Variants in RABEP1 observed in about 807,000 individuals in gnomAD.
The protein encoded by RABEP1 is rab GTPase-binding effector protein 1.
A neutral mutation model predicts 123.4 loss-of-function variants in RABEP1; 51 were observed. The ratio of observed to expected loss-of-function variants is 0.41; its 90% CI spans 0.33 to 0.52. The LOEUF (loss-of-function observed/expected upper bound fraction) is 0.52, where lower values mean the gene tolerates loss of function less well. Among genes scored for constraint, RABEP1 ranks in the 20% least tolerant of loss-of-function variants. RABEP1 has a pLI of 0.16. For missense variants in RABEP1, 888 were observed against 996.3 expected, an observed-to-expected ratio of 0.89 and a Z score of 1.46; for synonymous variants, 347 against 355.2, an observed-to-expected ratio of 0.98 and a Z score of 0.26.
At chr17:5,327,825 C>T (rs1465183465) in intron 2 of RABEP1, among the ~76,000 whole-genome samples, 1 of 152,094 alleles carries the variant, frequency 6.6e-6, no homozygotes, top group Admixed American at 6.6e-5. Flanking sequence ...TGAAAATAGA[C>T]AATTTTTATA....
intron 2 of RABEP1, among the ~76,000 whole-genome samples, chr17:5,327,347 C>CAA (rs772982752): frequency 2.3e-4 from 17 of 75,204 alleles, no homozygotes; most frequent in East Asian, 3.7e-4. Flanking sequence ...GATTCTGTCT[C>CAA]AAAAAAAAAA....
intron 17 of RABEP1, among the ~76,000 whole-genome samples, chr17:5,382,433 A>G (rs1911552640): frequency 6.6e-6 from 1 of 151,314 alleles, no homozygotes; most frequent in African/African-American, 2.4e-5. Flanking sequence ...TGTCTCCATA[A>G]TCCCAACACA....
intron 1 of RABEP1, among the ~76,000 whole-genome samples, chr17:5,308,015 T>C (rs748811361): frequency 2.6e-5 from 4 of 152,142 alleles, no homozygotes; most frequent in Non-Finnish European, 5.9e-5. Flanking sequence ...AAATGGGAAA[T>C]AGCAAGATTG....
At chr17:5,331,267 A>G (rs944904699) in intron 2 of RABEP1, among the ~76,000 whole-genome samples, 1 of 152,092 alleles carries the variant, frequency 6.6e-6, no homozygotes, top group Admixed American at 6.5e-5. Context: ...TAAAGTGACC[A>G]TTTGCTACCC....
chr17:5,318,199 T>C lies in RABEP1; in HGVS notation c.163+9377T>C, dbSNP rs556610706. Among the ~76,000 whole-genome samples, 3 of 152,284 alleles carry C rather than the reference T, an allele frequency of 2.0e-5. No individual in the cohort carries two copies. In the East Asian group the frequency reaches 5.8e-4, roughly 29 times the overall value. ...AGTGAGAAACACAGGTAAAATAATT[T>C]TGAAGCTTACAATTGATATCAGAAG... On this transcript the variant is annotated intron_variant, in intron 2 of 17. Transcript: ENST00000537505.
At chr17:5,366,265 G>A (rs1016586363) in intron 11 of RABEP1, among the ~76,000 whole-genome samples, 1 of 152,048 alleles carries the variant, frequency 6.6e-6, no homozygotes, top group Non-Finnish European at 1.5e-5. Flanking sequence ...ATGTTTCTTG[G>A]CCATTGGGAT....
intron 13 of RABEP1, among the ~76,000 whole-genome samples, chr17:5,375,920 T>C (rs1476415031): frequency 6.6e-6 from 1 of 152,078 alleles, no homozygotes; most frequent in Non-Finnish European, 1.5e-5. Flanking sequence ...TCACCCAGGC[T>C]GGAGTGCAGT....
In RABEP1 at chr17:5,332,168, G is replaced by T. The variant is rs1332186833; in HGVS notation, c.367+16G>T. The T allele has an allele frequency of 1.2e-6, 2 of 1,605,340 alleles. No individual in the cohort carries two copies. Among genetic ancestry groups the T allele is most frequent in the East Asian group, 2.2e-5 (1 of 44,804 alleles). On this transcript the variant is annotated intron_variant, in intron 3 of 17. Transcript: ENST00000537505. The stretch of plus-strand genomic sequence containing the variant: ...GTTATGAAAGGTAAAGACAGAGAAA[G>T]ATCAATTTTGTGATTTTCTAAGATA...
At chr17:5,287,112 G>C (rs965890782) in intron 1 of RABEP1, among the ~76,000 whole-genome samples, 4 of 152,164 alleles carry the variant, frequency 2.6e-5, no homozygotes, top group Non-Finnish European at 5.9e-5. Flanking sequence ...GAGTGTAGTA[G>C]GATATGAGGT....
At chr17:5,333,638 A>G (rs985909739) in intron 3 of RABEP1, among the ~76,000 whole-genome samples, 7 of 152,136 alleles carry the variant, frequency 4.6e-5, no homozygotes, top group South Asian at 4.1e-4. Context: ...AAACCCAACT[A>G]CAGTGGCTTA....
At chr17:5,381,118 C>G (rs1911412913) in intron 16 of RABEP1, among the ~76,000 whole-genome samples, 1 of 152,130 alleles carries the variant, frequency 6.6e-6, no homozygotes, top group Non-Finnish European at 1.5e-5. Context: ...TGATTATCGT[C>G]ACTGTCACCA....
chr17:5,321,668 G>A (rs1162942478), intron 2 of RABEP1, among the ~76,000 whole-genome samples: 13 of 152,172 alleles, frequency 8.5e-5, no homozygotes, highest in Non-Finnish European at 1.0e-4. Context: ...TAAAATGAAA[G>A]TGAAGAGCTA....
At chr17:5,302,658 G>A (rs1000240692) in intron 1 of RABEP1, among the ~76,000 whole-genome samples, 3 of 149,170 alleles carry the variant, frequency 2.0e-5, no homozygotes, top group East Asian at 2.0e-4. Flanking sequence ...AACCTCCCAG[G>A]CGCAAGCGAC....
chr17:5,326,134 A>G (rs1417916832), intron 2 of RABEP1, among the ~76,000 whole-genome samples: 1 of 152,228 alleles, frequency 6.6e-6, no homozygotes, highest in Non-Finnish European at 1.5e-5. Flanking sequence ...TTCAGCAGTC[A>G]TGCTCCTTGG....
chr17:5,319,326 TCAAAAAAAAAAAAAACAAAAAAA>T, intron 2 of RABEP1, among the ~76,000 whole-genome samples: 1 of 11,656 alleles, frequency 8.6e-5, no homozygotes, highest in Non-Finnish European at 2.2e-4. Flanking sequence ...AGACTCTGTC[TCAAAAAAAAAAAAAACAAAAAAA>T]CAAAAAAAAA....
Position 5,282,519 on chromosome 17 carries a change from C to T in RABEP1, c.33C>T (p.Asp11=), listed in dbSNP as rs2074935035. Residue 11 remains aspartate (D), a splice_region_variant and synonymous_variant, in exon 1 of 18, where the codon GAC becomes GAT. Coordinates refer to ENST00000537505, the MANE Select transcript of RABEP1 (RefSeq NM_004703.6). MAQPGPASQP[D]VSLQQRVAEL... Reference sequence around the variant, plus strand: ...AGCCGGGCCCGGCTTCCCAGCCTGACGGTGAGGCGCCCACCATGGCAGGCG... The same window carrying T: ...AGCCGGGCCCGGCTTCCCAGCCTGATGGTGAGGCGCCCACCATGGCAGGCG... 2.1e-5 allele frequency: 26 copies of T among 1,232,418 alleles called. No homozygotes were observed. Among genetic ancestry groups the T allele is most frequent in the South Asian group, 3.4e-5 (1 of 29,352 alleles). 76.3% of individuals were successfully genotyped at this position (1,232,418 alleles called of 1,614,324 possible).
chr17:5,337,803 G>A (rs951356230), intron 4 of RABEP1, among the ~76,000 whole-genome samples: 8 of 152,014 alleles, frequency 5.3e-5, no homozygotes, highest in African/African-American at 1.5e-4. Flanking sequence ...ATTTACTCCC[G>A]AATTCTAAAT....
chr17:5,321,603 A>G (rs1399159886), intron 2 of RABEP1, among the ~76,000 whole-genome samples: 1 of 151,956 alleles, frequency 6.6e-6, no homozygotes. Context: ...GAGCATGACC[A>G]TGTCTCAAAA....
At position 5,383,443 on chromosome 17, in the gene RABEP1, C is replaced by G. The variant is rs1477935200; in HGVS notation, c.*220C>G. ...GACCTTCAAATGCGAACACTATAAA[C>G]TCCAGGCTTGATTCCAACAGGCGTG... On this transcript the variant is annotated 3_prime_UTR_variant, in exon 18 of 18. Transcript: ENST00000537505. 4.0e-6 allele frequency: 2 copies of G among 494,638 alleles called. No homozygotes were observed. The highest frequency in any genetic ancestry group is 7.3e-6 in the Non-Finnish European group (2 of 274,890). 30.6% of individuals were successfully genotyped at this position (494,638 alleles called of 1,614,324 possible).
Sources: allele counts gnomAD v4.1 joint callset (sites outside exome capture counted in the v4.1 genomes callset), GRCh38; gene constraint gnomAD v4.1.1; transcripts MANE v1.5; gene names NCBI Gene and HGNC (gene_info 2026-07-23, HGNC 2026-07-21).